The following TADA2A variants were observed in gnomAD, a reference collection of about 807,000 sequenced individuals.
The protein encoded by TADA2A is transcriptional adaptor 2A.
In TADA2A, 38 loss-of-function variants were observed where a neutral mutation model predicts 67.4. That is an observed-to-expected ratio of 0.56 (90% CI 0.44 to 0.74). The LOEUF is 0.74. Ranked by LOEUF, TADA2A falls within the 30% of genes least tolerant of loss-of-function variation. TADA2A has a pLI of 0.00. For synonymous variants in TADA2A, 192 were observed against 181.6 expected (o/e 1.06, Z -0.46); for missense variants, 454 against 547.0 (o/e 0.83, Z 1.70).
rs372707043 is a variant in TADA2A, at chr17:37,417,819, G to A, written c.26-5690G>A. ...CAAAGTGCTGGGATTACAGGCATGA[G>A]CCACCATGCCTGGCATACATAATTT... On this transcript the variant is annotated intron_variant, in intron 2 of 15. Coordinates refer to ENST00000615182, the MANE Select transcript of TADA2A (RefSeq NM_001166105.3). Among the ~76,000 whole-genome samples, 7 of 152,196 alleles carry A rather than the reference G, an allele frequency of 4.6e-5. No individual in the cohort carries two copies. The East Asian group carries it at 1.4e-3, about 29-fold the overall frequency.
rs1032594287 is a variant in TADA2A, at chr17:37,478,835, G to A, written c.*1853G>A. The A allele has an allele frequency of 1.3e-5, 2 of 152,156 alleles. No homozygotes were observed. The highest frequency in any genetic ancestry group is 2.4e-5 in the African/African-American group (1 of 41,436). The allele number at this position is 152,156 out of a possible 1,614,324, so 9.4% of individuals were successfully genotyped here. ...GGGAAGGGATTCATCTAAGGGATAA[G>A]AAATGAAAAAGACACTCTAAGGACC... On this transcript the variant is annotated 3_prime_UTR_variant, in exon 16 of 16. Transcript: ENST00000615182.
intron 14 of TADA2A, 99 bp from the exon 15 acceptor site, chr17:37,474,457 A>T: frequency 8.9e-7 from 1 of 1,125,414 alleles, no homozygotes; most frequent in Non-Finnish European, 1.3e-6. Context: ...TAGTGATCCT[A>T]TACCTAACTG....
intron 13 of TADA2A, among the ~76,000 whole-genome samples, chr17:37,470,848 CT>C (rs1597947639): frequency 6.6e-6 from 1 of 152,092 alleles, no homozygotes; most frequent in Non-Finnish European, 1.5e-5. Context: ...ATCCCTTCCC[CT>C]TGAGTGGTGT....
Position 37,470,390 on chromosome 17 carries a change from A to G in TADA2A, c.896-10A>G, listed in dbSNP as rs1287706645. The G allele has an allele frequency of 4.3e-6, 7 of 1,613,436 alleles. No homozygotes were observed. The highest frequency in any genetic ancestry group is 2.2e-5 in the East Asian group (1 of 44,830). On this transcript the variant is annotated splice_polypyrimidine_tract_variant and intron_variant, in intron 12 of 15. Transcript: ENST00000615182. ...TGTCATTGTGGTCATTGTGTTTTCT[A>G]TACCCCCAGGTGCCAGAACCTACGA...
chr17:37,413,362 T>C (rs1202730628), intron 2 of TADA2A, among the ~76,000 whole-genome samples: 1 of 152,198 alleles, frequency 6.6e-6, no homozygotes, highest in Non-Finnish European at 1.5e-5. Flanking sequence ...CTAAGTGGAC[T>C]GCTCTAATGC....
At chr17:37,449,067 C>CGA (rs1183543021) in intron 8 of TADA2A, among the ~76,000 whole-genome samples, 1 of 151,656 alleles carries the variant, frequency 6.6e-6, no homozygotes, top group East Asian at 1.9e-4. Flanking sequence ...ATCGCCTAGG[C>CGA]TGGAGTGCAG....
At chr17:37,475,612 C>T (rs2053877715) in intron 15 of TADA2A, among the ~76,000 whole-genome samples, 1 of 152,074 alleles carries the variant, frequency 6.6e-6, no homozygotes, top group African/African-American at 2.4e-5. Context: ...ACTACAGGCG[C>T]ATACCACCAC....
intron 2 of TADA2A, among the ~76,000 whole-genome samples, chr17:37,420,493 A>C (rs2052198825): frequency 6.9e-6 from 1 of 144,162 alleles, no homozygotes; most frequent in Non-Finnish European, 1.5e-5. Flanking sequence ...CCCGGGTTCA[A>C]ACAATTCTCC....
intron 11 of TADA2A, among the ~76,000 whole-genome samples, chr17:37,466,802 A>G (rs2053673533): frequency 6.6e-6 from 1 of 152,190 alleles, no homozygotes; most frequent in Non-Finnish European, 1.5e-5. Context: ...CAGCCAAATT[A>G]GAATGATTTG....
intron 12 of TADA2A, among the ~76,000 whole-genome samples, chr17:37,470,129 ACTTT>A (rs1207491791): frequency 3.3e-5 from 5 of 152,190 alleles, no homozygotes; most frequent in African/African-American, 9.6e-5. Context: ...AGCAATTCTT[ACTTT>A]CTTTGTACTT....
intron 3 of TADA2A, chr17:37,426,703 G>A (rs2052420382): frequency 3.2e-6 from 1 of 311,172 alleles, no homozygotes; most frequent in East Asian, 5.4e-5. Flanking sequence ...GTCAAGAAGT[G>A]GTGTGGTGGC....
intron 15 of TADA2A, among the ~76,000 whole-genome samples, chr17:37,474,924 C>T (rs1334017198): frequency 6.6e-6 from 1 of 152,156 alleles, no homozygotes; most frequent in Non-Finnish European, 1.5e-5. Context: ...TGCTACTCTA[C>T]TGAGTGCTTT....
intron 9 of TADA2A, 50 bp downstream of exon 9, chr17:37,458,637 TTGTGTG>T (rs55935249): frequency 0.065 from 62,887 of 968,724 alleles, 987 homozygotes; most frequent in Middle Eastern, 0.081. Flanking sequence ...GATTATTGTT[TTGTGTG>T]TGTGTGTGTG....
intron 8 of TADA2A, among the ~76,000 whole-genome samples, chr17:37,457,577 A>G (rs1158487061): frequency 7.2e-6 from 1 of 138,958 alleles, no homozygotes; most frequent in Non-Finnish European, 1.5e-5. Flanking sequence ...GGCTCACTGC[A>G]ACCTCACCTC....
Position 37,478,225 on chromosome 17 carries a change from T to G in TADA2A, c.*1243T>G, listed in dbSNP as rs919663870. 1 of 152,128 alleles carries G rather than the reference T, an allele frequency of 6.6e-6. No homozygotes were observed. Among genetic ancestry groups the G allele is most frequent in the Non-Finnish European group, 1.5e-5 (1 of 68,008 alleles). The allele number at this position is 152,128 out of a possible 1,614,324, so 9.4% of individuals were successfully genotyped here. A position where few individuals can be genotyped will look rare whatever the true frequency, so the allele number is the denominator to read the frequency against. On this transcript the variant is annotated 3_prime_UTR_variant, in exon 16 of 16. Transcript: ENST00000615182. ...AGGAGGTGGCACCGGATATAACATG[T>G]CTCTGTTATTTTTAGAATTAATTAA...
At chr17:37,447,697 A>G (rs1201118079) in intron 8 of TADA2A, among the ~76,000 whole-genome samples, 3 of 152,216 alleles carry the variant, frequency 2.0e-5, no homozygotes, top group African/African-American at 7.2e-5. Context: ...ACAGAGAGGT[A>G]TTTTGTTTAC....
At position 37,427,012 on chromosome 17, in the gene TADA2A, AATG is replaced by A; in HGVS notation, c.192+8_192+10del. The A allele has an allele frequency of 6.3e-7, 1 of 1,576,176 alleles. No homozygotes were observed. The highest frequency in any genetic ancestry group is 8.6e-7 in the Non-Finnish European group (1 of 1,159,652). ...GCGATCATACTTATGAAATAATGGT[AATG>A]ATGAAGTTGCTGGGAATTTCTGTTC... On this transcript the variant is annotated splice_donor_5th_base_variant and intron_variant, in intron 4 of 15. Coordinates refer to ENST00000615182, the MANE Select transcript of TADA2A (RefSeq NM_001166105.3).
intron 1 of TADA2A, among the ~76,000 whole-genome samples, chr17:37,409,292 T>C (rs528092942): frequency 2.3e-4 from 35 of 152,146 alleles, no homozygotes; most frequent in African/African-American, 7.9e-4. Context: ...TCTCACTATG[T>C]TGCCCAGGCT....
chr17:37,452,752 C>G (rs1424486787), intron 8 of TADA2A, among the ~76,000 whole-genome samples: 1 of 151,234 alleles, frequency 6.6e-6, no homozygotes, highest in East Asian at 1.9e-4. Context: ...AGAAATATTT[C>G]ATTTGTAGAA....
Sources: allele counts gnomAD v4.1 joint callset (sites outside exome capture counted in the v4.1 genomes callset), GRCh38; gene constraint gnomAD v4.1.1; transcripts MANE v1.5; gene names NCBI Gene and HGNC (gene_info 2026-07-23, HGNC 2026-07-21).